PIP4K2A: variants seen among roughly 807,000 people sequenced by gnomAD.
PIP4K2A encodes the protein phosphatidylinositol-5-phosphate 4-kinase type 2 alpha, also known as phosphatidylinositol 5-phosphate 4-kinase type-2 alpha.
Under a neutral mutation model 42.9 loss-of-function variants are expected in PIP4K2A, and 14 were observed. That is an observed-to-expected ratio of 0.33 (90% CI 0.22 to 0.51). The LOEUF (loss-of-function observed/expected upper bound fraction) is 0.51. PIP4K2A is among the 20% of genes least tolerant of loss of function. The pLI, the probability that PIP4K2A is intolerant of heterozygous loss-of-function variation, is 0.97. For missense variants in PIP4K2A, 434 were observed against 519.8 expected, an observed-to-expected ratio of 0.83 and a Z score of 1.61; for synonymous variants, 192 against 192.2, an observed-to-expected ratio of 1.00 and a Z score of 0.01.
At chr10:22,683,826 C>T (rs1473502939) in intron 1 of PIP4K2A, among the ~76,000 whole-genome samples, 1 of 144,926 alleles carries the variant, frequency 6.9e-6, no homozygotes, top group South Asian at 2.2e-4. Flanking sequence ...AGCTTTCCTA[C>T]CAAGCAGTTC....
At chr10:22,662,178 T>C (rs1418755880) in intron 1 of PIP4K2A, among the ~76,000 whole-genome samples, 1 of 152,256 alleles carries the variant, frequency 6.6e-6, no homozygotes, top group Non-Finnish European at 1.5e-5. Flanking sequence ...CCAGATTCTG[T>C]ACGCTCCTAT....
chr10:22,663,043 C>A (rs560934491), intron 1 of PIP4K2A, among the ~76,000 whole-genome samples: 41 of 152,316 alleles, frequency 2.7e-4, no homozygotes, highest in African/African-American at 9.1e-4. Flanking sequence ...TTGGGCTCTG[C>A]CACTCCTAGT....
intron 1 of PIP4K2A, among the ~76,000 whole-genome samples, chr10:22,613,236 C>T (rs557006868): frequency 2.0e-5 from 3 of 151,924 alleles, no homozygotes; most frequent in East Asian, 3.9e-4. Flanking sequence ...AGCAATGGAA[C>T]CCAGACTAAG....
intron 1 of PIP4K2A, among the ~76,000 whole-genome samples, chr10:22,611,631 G>A (rs922154440): frequency 1.3e-5 from 2 of 152,092 alleles, no homozygotes; most frequent in Non-Finnish European, 2.9e-5. Context: ...GGAATCTAAC[G>A]TCATATAGCT....
intron 1 of PIP4K2A, among the ~76,000 whole-genome samples, chr10:22,704,261 G>A (rs1473671943): frequency 1.3e-5 from 2 of 152,062 alleles, no homozygotes; most frequent in Admixed American, 6.5e-5. Context: ...TGCACCTAAG[G>A]AGTGGCTAGT....
intron 7 of PIP4K2A, among the ~76,000 whole-genome samples, chr10:22,545,832 G>A (rs781073792): frequency 3.3e-5 from 5 of 152,076 alleles, no homozygotes; most frequent in Non-Finnish European, 5.9e-5. Flanking sequence ...ACCCTCCCGA[G>A]GAGCTGGATT....
intron 1 of PIP4K2A, among the ~76,000 whole-genome samples, chr10:22,664,363 C>T (rs541661791): frequency 2.7e-5 from 4 of 150,112 alleles, no homozygotes; most frequent in Non-Finnish European, 1.5e-5. Flanking sequence ...TGGATAACTA[C>T]TGTGACTGAA....
intron 1 of PIP4K2A, among the ~76,000 whole-genome samples, chr10:22,636,771 T>C (rs73598585): frequency 1.3e-5 from 2 of 152,152 alleles, no homozygotes; most frequent in African/African-American, 2.4e-5. Context: ...GGTGTTCACA[T>C]CCTTATGCAG....
chr10:22,604,110 G>T (rs1003115075), intron 3 of PIP4K2A, among the ~76,000 whole-genome samples: 1 of 151,962 alleles, frequency 6.6e-6, no homozygotes, highest in Admixed American at 6.6e-5. Flanking sequence ...ATTGTTCTTT[G>T]AATTTGTCTT....
At chr10:22,685,772 G>C (rs988203059) in intron 1 of PIP4K2A, among the ~76,000 whole-genome samples, 26 of 152,008 alleles carry the variant, frequency 1.7e-4, no homozygotes, top group Non-Finnish European at 3.1e-4. Context: ...CAGGGAGGGA[G>C]AAAGAGAAAA....
intron 1 of PIP4K2A, 171 bp downstream of exon 1, chr10:22,714,012 A>G (rs1386490866): frequency 3.2e-6 from 2 of 623,490 alleles, no homozygotes; most frequent in Non-Finnish European, 5.3e-6. Context: ...GGCGGCCCAG[A>G]GGGCTGGGGG....
chr10:22,664,516 AT>A (rs961108457), intron 1 of PIP4K2A, among the ~76,000 whole-genome samples: 2 of 148,056 alleles, frequency 1.4e-5, no homozygotes, highest in African/African-American at 5.0e-5. Flanking sequence ...ATTTTTCTCC[AT>A]TTTTTTCTTT....
rs564730695 is a variant in PIP4K2A at position 22,570,461 on chromosome 10, G to A, written c.640-2572C>T. On this transcript the variant is annotated intron_variant, in intron 5 of 9. Transcript: ENST00000376573. ...GCTGGTGCTGGCAAGGGCCCTGGAGGATGGCTGGGATTTCCCCAGGGGCAA... is the reference window on the plus strand; with the variant it reads ...GCTGGTGCTGGCAAGGGCCCTGGAGAATGGCTGGGATTTCCCCAGGGGCAA... Among the ~76,000 whole-genome samples, 17 of 152,346 alleles carry A rather than the reference G, an allele frequency of 1.1e-4. No individual in the cohort carries two copies. In the South Asian group the frequency reaches 3.3e-3, roughly 30 times the overall value.
At chr10:22,580,029 C>T (rs1400479779) in intron 4 of PIP4K2A, among the ~76,000 whole-genome samples, 3 of 151,850 alleles carry the variant, frequency 2.0e-5, no homozygotes, top group East Asian at 3.8e-4. Flanking sequence ...GCCAAGGCCC[C>T]GAGGTGAGGG....
chr10:22,554,513 A>G (rs548311897), intron 6 of PIP4K2A, among the ~76,000 whole-genome samples: 15 of 152,282 alleles, frequency 9.9e-5, no homozygotes, highest in African/African-American at 3.4e-4. Context: ...AGTGTCTTTG[A>G]TATCTTTTCT....
chr10:22,647,951 T>C (rs1838916598), intron 1 of PIP4K2A, among the ~76,000 whole-genome samples: 2 of 152,206 alleles, frequency 1.3e-5, no homozygotes, highest in African/African-American at 4.8e-5. Flanking sequence ...AAGATAAAAA[T>C]AAAACATCGA....
At chr10:22,563,265 C>T (rs926455042) in intron 6 of PIP4K2A, among the ~76,000 whole-genome samples, 3 of 152,176 alleles carry the variant, frequency 2.0e-5, no homozygotes, top group Non-Finnish European at 4.4e-5. Flanking sequence ...AAAAAGAAGG[C>T]TAGGGCACTG....
chr10:22,628,662 G>A (rs1238793190), intron 1 of PIP4K2A, among the ~76,000 whole-genome samples: 1 of 152,178 alleles, frequency 6.6e-6, no homozygotes, highest in Non-Finnish European at 1.5e-5. Flanking sequence ...TTGAAGCAGG[G>A]GAAGGCAGGC....
chr10:22,664,260 T>TACACAC (rs1373982645), intron 1 of PIP4K2A, among the ~76,000 whole-genome samples: 2 of 138,870 alleles, frequency 1.4e-5, no homozygotes, highest in Admixed American at 7.7e-5. Flanking sequence ...CATATATATA[T>TACACAC]ACACACACAT....
Sources: allele counts gnomAD v4.1 joint callset (sites outside exome capture counted in the v4.1 genomes callset), GRCh38; gene constraint gnomAD v4.1.1; transcripts MANE v1.5; gene names NCBI Gene and HGNC (gene_info 2026-07-23, HGNC 2026-07-21).